Variants in SPICE1 observed in about 807,000 individuals in gnomAD.
SPICE1 encodes the protein spindle and centriole associated protein 1, also known as spindle and centriole-associated protein 1.
Under a neutral mutation model 102.7 loss-of-function variants are expected in SPICE1, and 75 were observed. The observed-to-expected ratio is 0.73, with a 90% CI of 0.61 to 0.88. The LOEUF (loss-of-function observed/expected upper bound fraction) is 0.88, where lower values mean the gene tolerates loss of function less well. SPICE1 is among the 40% of genes least tolerant of loss of function. SPICE1 has a pLI of 0.00. For missense variants in SPICE1, 979 were observed against 1,020.1 expected (o/e 0.96, Z 0.55); for synonymous variants, 308 against 350.3 (o/e 0.88, Z 1.35).
At chr3:113,470,875 A>C (rs918459497) in intron 7 of SPICE1, among the ~76,000 whole-genome samples, 2 of 152,236 alleles carry the variant, frequency 1.3e-5, no homozygotes, top group African/African-American at 4.8e-5. Flanking sequence ...CGTAAAATGG[A>C]AATGTCTATA....
At chr3:113,500,037 G>A (rs1936978721) in intron 3 of SPICE1, among the ~76,000 whole-genome samples, 1 of 151,920 alleles carries the variant, frequency 6.6e-6, no homozygotes, top group African/African-American at 2.4e-5. Context: ...CTCATTTCAT[G>A]ATCATCACAC....
chr3:113,461,712 C>T (rs1228037335), intron 11 of SPICE1, among the ~76,000 whole-genome samples: 1 of 152,094 alleles, frequency 6.6e-6, no homozygotes, highest in East Asian at 1.9e-4. Flanking sequence ...TAAGAAAACC[C>T]AAAGATGGCA....
rs114040402 is a variant in SPICE1 at position 113,442,788 on chromosome 3, C to A, written c.*2519G>T. The A allele has an allele frequency of 5.3e-5, 8 of 152,174 alleles. No individual in the cohort carries two copies. Among genetic ancestry groups the A allele is most frequent in the African/African-American group, 1.9e-4 (8 of 41,508 alleles). The allele number at this position is 152,174 out of a possible 1,614,324, so 9.4% of individuals were successfully genotyped here. On this transcript the variant is annotated 3_prime_UTR_variant, in exon 18 of 18. Transcript: ENST00000295872. ...AAATACCATGCATTTATTTGCAATA[C>A]TGAAATGTCCTCTTTAATCAAGATT...
Position 113,468,187 on chromosome 3 carries a change from A to G in SPICE1, c.1107T>C (p.Thr369=), listed in dbSNP as rs185064652. 1.4e-4 allele frequency: 227 copies of G among 1,614,196 alleles called. 2 individuals are homozygous for G. In the East Asian group the frequency reaches 4.9e-3, roughly 35 times the overall value. The change falls in exon 10 of 18, where the codon ACT becomes ACC. Residue 369 remains threonine, a synonymous_variant. Transcript: ENST00000295872. ...LQSSQGLTGF[T]LSLVSSLCRL... is the part of the protein sequence containing the mutation. ...GACAGAGGGAGCTCACCAGCGACAA[A>G]GTGAAGCCTGTAAGACCCTGACTGC... is the stretch of plus-strand genomic sequence containing the variant.
At position 113,457,182 on chromosome 3, in the gene SPICE1, T is replaced by C. The variant is rs750308588; in HGVS notation, c.1611A>G (p.Thr537=). The C allele has an allele frequency of 6.2e-7, 1 of 1,614,196 alleles. No homozygotes were observed. The highest frequency in any genetic ancestry group is 1.1e-5 in the South Asian group (1 of 91,078). The change falls in exon 13 of 18, where the codon ACA becomes ACG. Residue 537 remains threonine, a synonymous_variant. Coordinates refer to ENST00000295872, the MANE Select transcript of SPICE1 (RefSeq NM_144718.4). ...AHIFEPAVLL[T]PPRQKSNLKF... is the part of the protein sequence containing the mutation. ...TTAAGTTGCTCTTCTGCCTGGGTGG[T>C]GTTAACAACACAGCTGGCTCAAAAA...
In SPICE1 at chr3:113,506,543, T is replaced by G; in HGVS notation, c.63A>C (p.Val21=). 1 of 1,613,712 alleles carries G rather than the reference T, an allele frequency of 6.2e-7. No homozygotes were observed. Among genetic ancestry groups the G allele is most frequent in the Non-Finnish European group, 8.5e-7 (1 of 1,179,864 alleles). ...GTTTCACTGAAGTTTTCTTCTTCTTTACTTTCGGTGTCTTTCTTACACCAA... is the reference window on the plus strand; with the variant it reads ...GTTTCACTGAAGTTTTCTTCTTCTTGACTTTCGGTGTCTTTCTTACACCAA... ...PRVGVRKTPK[V]KKKKTSVKQE... Residue 21 remains valine, a synonymous_variant, in exon 2 of 18, where the codon GTA becomes GTC. Coordinates refer to ENST00000295872, the MANE Select transcript of SPICE1 (RefSeq NM_144718.4).
At chr3:113,489,121 C>A in intron 6 of SPICE1, 58 bp from the exon 7 acceptor site, 5 of 879,888 alleles carry the variant, frequency 5.7e-6, no homozygotes, top group South Asian at 1.7e-5. Context: ...CTCAGACTTT[C>A]TTTTTTTTTT....
rs1194273863 is a variant in SPICE1, at chr3:113,460,718, G to GATATCAGTT, written c.1325_1333dup (p.Ile444_Ser445insTer). ...ACAGTTCTTAATAGCATGTGTGAGT[G>GATATCAGTT]ATATCAGTTGCTCATCTGTTGTGAC... is the stretch of plus-strand genomic sequence containing the variant. On this transcript the variant is annotated stop_gained, in exon 12 of 18. Coordinates refer to ENST00000295872, the MANE Select transcript of SPICE1 (RefSeq NM_144718.4). LOFTEE classifies it high-confidence loss of function. 1 of 1,613,224 alleles carries GATATCAGTT rather than the reference G, an allele frequency of 6.2e-7. No homozygotes were observed. The highest frequency in any genetic ancestry group is 1.7e-5 in the Admixed American group (1 of 59,760).
At chr3:113,468,486 G>A (rs1003836381) in intron 9 of SPICE1, 82 bp from the exon 10 acceptor site, 1 of 1,459,586 alleles carries the variant, frequency 6.9e-7, no homozygotes, top group African/African-American at 1.4e-5. Context: ...TTTGACTATT[G>A]TTCACAATTT....
At chr3:113,486,802 C>T (rs1477061751) in intron 7 of SPICE1, among the ~76,000 whole-genome samples, 1 of 149,318 alleles carries the variant, frequency 6.7e-6, no homozygotes, top group African/African-American at 2.5e-5. Flanking sequence ...AGTACGTTAC[C>T]TTTTATATAA....
At chr3:113,449,763 A>G (rs1935602762) in intron 15 of SPICE1, 2 of 153,976 alleles carry the variant, frequency 1.3e-5, no homozygotes, top group African/African-American at 4.8e-5. Flanking sequence ...CTCTTCATGT[A>G]GCTGTCCCTT....
intron 7 of SPICE1, among the ~76,000 whole-genome samples, chr3:113,482,603 A>C (rs1936537820): frequency 6.6e-6 from 1 of 152,122 alleles, no homozygotes; most frequent in Non-Finnish European, 1.5e-5. Context: ...GTAAGGAAGA[A>C]GCCTAGTTTC....
At chr3:113,498,506 C>A (rs1035417621) in intron 4 of SPICE1, among the ~76,000 whole-genome samples, 2 of 152,124 alleles carry the variant, frequency 1.3e-5, no homozygotes, top group African/African-American at 2.4e-5. Flanking sequence ...TAAATGTATG[C>A]GACTTGTCCA....
At chr3:113,456,977 A>G (rs1306087009) in intron 13 of SPICE1, among the ~76,000 whole-genome samples, 159 bp downstream of exon 13, 1 of 152,274 alleles carries the variant, frequency 6.6e-6, no homozygotes, top group Non-Finnish European at 1.5e-5. Flanking sequence ...GACCACAGGT[A>G]TGATACACAT....
intron 1 of SPICE1, among the ~76,000 whole-genome samples, chr3:113,513,268 A>G (rs887137128): frequency 3.3e-5 from 5 of 152,072 alleles, no homozygotes; most frequent in African/African-American, 1.2e-4. Context: ...TTAATTAGCC[A>G]GGAGTGGCAG....
chr3:113,507,303 A>G (rs1937131059), intron 1 of SPICE1, among the ~76,000 whole-genome samples: 1 of 152,112 alleles, frequency 6.6e-6, no homozygotes, highest in South Asian at 2.1e-4. Flanking sequence ...TTAGAAAAAG[A>G]CCCATAGTCC....
intron 1 of SPICE1, among the ~76,000 whole-genome samples, chr3:113,512,014 G>T (rs1937231112): frequency 6.6e-6 from 1 of 151,972 alleles, no homozygotes; most frequent in African/African-American, 2.4e-5. Context: ...AAAAATGGGG[G>T]GAAAAGTATT....
chr3:113,476,195 G>A (rs1388597938), intron 7 of SPICE1, among the ~76,000 whole-genome samples: 1 of 150,830 alleles, frequency 6.6e-6, no homozygotes, highest in Non-Finnish European at 1.5e-5. Flanking sequence ...TTGCTTCAAA[G>A]AGAATAAAAT....
chr3:113,472,100 T>C (rs1022990994), intron 7 of SPICE1, among the ~76,000 whole-genome samples: 2 of 152,206 alleles, frequency 1.3e-5, no homozygotes, highest in Admixed American at 6.5e-5. Flanking sequence ...TACTGCACTT[T>C]TCCGACGGGC....
Sources: gnomAD v4.1 joint callset for allele counts (sites outside exome capture counted in the v4.1 genomes callset) on GRCh38, gnomAD v4.1.1 for gene constraint, MANE v1.5 for transcripts, NCBI Gene and HGNC (gene_info 2026-07-23, HGNC 2026-07-21) for gene names.